GIMAP8: variants seen among roughly 807,000 people sequenced by gnomAD.
GIMAP8 encodes GTPase, IMAP family member 8.
GIMAP8 carries 29 observed loss-of-function variants against 35.6 expected under a neutral mutation model. That is an observed-to-expected ratio of 0.81 (90% CI 0.61 to 1.11). GIMAP8 has a LOEUF of 1.11. Ranked by LOEUF, GIMAP8 falls within the 50% of genes most tolerant of loss-of-function variation. The pLI, the probability that GIMAP8 is intolerant of heterozygous loss-of-function variation, is 0.00. For missense variants in GIMAP8, 811 were observed against 805.0 expected (o/e 1.01, Z -0.09); for synonymous variants, 335 against 308.7 (o/e 1.09, Z -0.89).
intron 4 of GIMAP8, among the ~76,000 whole-genome samples, chr7:150,475,732 A>G (rs1802213898): frequency 6.6e-6 from 1 of 152,208 alleles, no homozygotes; most frequent in Non-Finnish European, 1.5e-5. Flanking sequence ...AGAAGTATAG[A>G]TACATGGGAA....
chr7:150,454,861 C>T (rs749338429), intron 1 of GIMAP8, among the ~76,000 whole-genome samples: 9 of 151,590 alleles, frequency 5.9e-5, no homozygotes, highest in Non-Finnish European at 8.8e-5. Context: ...GTCAACAGGC[C>T]GGGCGCAGTG....
chr7:150,452,989 T>C (rs549944232), intron 1 of GIMAP8, among the ~76,000 whole-genome samples: 1 of 152,044 alleles, frequency 6.6e-6, no homozygotes, highest in South Asian at 2.1e-4. Flanking sequence ...ATATACTACA[T>C]GCCAGGCACA....
chr7:150,452,739 A>C, intron 1 of GIMAP8, among the ~76,000 whole-genome samples: 1 of 126,488 alleles, frequency 7.9e-6, no homozygotes, highest in Non-Finnish European at 1.6e-5. Flanking sequence ...GGCACCCACC[A>C]CCATGCCTGG....
intron 4 of GIMAP8, among the ~76,000 whole-genome samples, chr7:150,475,661 A>G (rs1391635546): frequency 6.6e-6 from 1 of 152,028 alleles, no homozygotes; most frequent in East Asian, 1.9e-4. Context: ...TGCTTCAAAC[A>G]TCCTCACCCA....
At chr7:150,452,709 T>TATATATATATATATACAC (rs1373884339) in intron 1 of GIMAP8, among the ~76,000 whole-genome samples, 128 of 106,580 alleles carry the variant, frequency 1.2e-3, no homozygotes, top group East Asian at 6.0e-3. Flanking sequence ...TATATATATA[T>TATATATATATATATACAC]ACATGCGAGT....
At chr7:150,471,460 AGTC>A (rs1802088222) in intron 3 of GIMAP8, among the ~76,000 whole-genome samples, 1 of 152,256 alleles carries the variant, frequency 6.6e-6, no homozygotes, top group Non-Finnish European at 1.5e-5. Context: ...CTGAGTATCC[AGTC>A]GTGAATAAGA....
At chr7:150,452,390 T>TC (rs1563278310) in intron 1 of GIMAP8, among the ~76,000 whole-genome samples, 1 of 151,530 alleles carries the variant, frequency 6.6e-6, no homozygotes, top group Non-Finnish European at 1.5e-5. Context: ...GACTCATTGG[T>TC]TTGGTCATAC....
intron 1 of GIMAP8, among the ~76,000 whole-genome samples, chr7:150,460,816 A>G (rs1245988301): frequency 1.3e-5 from 2 of 152,194 alleles, no homozygotes; most frequent in African/African-American, 2.4e-5. Context: ...CCAATCTCAT[A>G]TATACCACTT....
intron 1 of GIMAP8, among the ~76,000 whole-genome samples, chr7:150,462,182 AAC>A (rs2116596488): frequency 6.6e-6 from 1 of 152,334 alleles, no homozygotes; most frequent in African/African-American, 2.4e-5. Flanking sequence ...GTGGGGCAGA[AAC>A]AAATCACAAT....
Position 150,477,168 on chromosome 7 carries a change from C to G in GIMAP8, c.1386C>G (p.Leu462=). ...CCGGGAACTCTATCCTGGGGAGCCT[C>G]GTCTTCACCTCTCGGCTCCGGGCCC... ...SATGNSILGS[L]VFTSRLRAQP... Residue 462 remains leucine, a synonymous_variant, in exon 5 of 5, where the codon CTC becomes CTG. Coordinates refer to ENST00000307271, the MANE Select transcript of GIMAP8 (RefSeq NM_175571.4). 1 of 1,614,018 alleles carries G rather than the reference C, an allele frequency of 6.2e-7. No homozygotes were observed. The highest frequency in any genetic ancestry group is 2.2e-5 in the East Asian group (1 of 44,878).
At chr7:150,465,089 G>A (rs1421729361) in intron 1 of GIMAP8, among the ~76,000 whole-genome samples, 1 of 152,176 alleles carries the variant, frequency 6.6e-6, no homozygotes, top group Non-Finnish European at 1.5e-5. Flanking sequence ...TTTCATACAA[G>A]TGACAAAAAG....
intron 4 of GIMAP8, 65 bp from the exon 5 acceptor site, chr7:150,477,027 A>C: frequency 7.8e-7 from 1 of 1,283,700 alleles, no homozygotes. Flanking sequence ...GCTTCATGGG[A>C]TAACTTTAAA....
chr7:150,463,105 G>C (rs1275534650), intron 1 of GIMAP8, among the ~76,000 whole-genome samples: 1 of 151,758 alleles, frequency 6.6e-6, no homozygotes, highest in Non-Finnish European at 1.5e-5. Flanking sequence ...TCTTCTGCTT[G>C]ATCTAGTCTA....
intron 1 of GIMAP8, among the ~76,000 whole-genome samples, chr7:150,462,790 G>A (rs907353777): frequency 2.0e-5 from 3 of 151,972 alleles, no homozygotes; most frequent in Admixed American, 1.3e-4. Flanking sequence ...TTTGACTTTT[G>A]ACAATTTGAC....
chr7:150,466,848 G>A lies in GIMAP8; in HGVS notation c.150G>A (p.Gln50=), dbSNP rs1801971157. 2 of 1,614,086 alleles carry A rather than the reference G, an allele frequency of 1.2e-6. No homozygotes were observed. The highest frequency in any genetic ancestry group is 1.7e-6 in the Non-Finnish European group (2 of 1,180,032). ...ATCAGACAGTGATCAAAATGTGCCA[G>A]AGAGAGAGTTGGGTCCTGAGAGAAA... ...FSDQTVIKMC[Q]RESWVLRERK... The change falls in exon 2 of 5, where the codon CAG becomes CAA. Residue 50 remains glutamine, a synonymous_variant. Coordinates refer to ENST00000307271, the MANE Select transcript of GIMAP8 (RefSeq NM_175571.4).
At chr7:150,454,151 G>T (rs1037592316) in intron 1 of GIMAP8, among the ~76,000 whole-genome samples, 1 of 152,102 alleles carries the variant, frequency 6.6e-6, no homozygotes, top group Non-Finnish European at 1.5e-5. Context: ...GGCACACAAT[G>T]TGAGGGGAAG....
chr7:150,476,505 G>C (rs1802232442), intron 4 of GIMAP8, among the ~76,000 whole-genome samples: 1 of 152,208 alleles, frequency 6.6e-6, no homozygotes, highest in South Asian at 2.1e-4. Flanking sequence ...AGGCAATTAA[G>C]TTCAATGTGG....
chr7:150,466,762 G>C lies in GIMAP8; in HGVS notation c.64G>C (p.Gly22Arg), dbSNP rs150937690. The change falls in exon 2 of 5, where the codon GGA (glycine) becomes CGA (arginine). Residue 22 changes from glycine to arginine, a missense_variant. Coordinates refer to ENST00000307271, the MANE Select transcript of GIMAP8 (RefSeq NM_175571.4). ...RLLLLGKCRSGKSATGNAILG... is the reference protein window; with the variant it reads ...RLLLLGKCRSRKSATGNAILG... The stretch of plus-strand genomic sequence containing the variant: ...CCTCCTCCTGGGAAAATGCCGCTCG[G>C]GAAAAAGTGCCACAGGAAATGCCAT... 1.2e-4 allele frequency: 192 copies of C among 1,614,102 alleles called. No individual in the cohort carries two copies. Among genetic ancestry groups the C allele is most frequent in the Non-Finnish European group, 1.5e-4 (173 of 1,180,028 alleles).
intron 2 of GIMAP8, among the ~76,000 whole-genome samples, chr7:150,470,139 G>A (rs189535669): frequency 4.3e-4 from 65 of 152,226 alleles, no homozygotes; most frequent in African/African-American, 1.5e-3. Flanking sequence ...ATTTGAACTG[G>A]GCTATGTAAG....
Sources: gnomAD v4.1 joint callset for allele counts (sites outside exome capture counted in the v4.1 genomes callset) on GRCh38, gnomAD v4.1.1 for gene constraint, MANE v1.5 for transcripts, NCBI Gene and HGNC (gene_info 2026-07-23, HGNC 2026-07-21) for gene names.